SYCP1: variants seen among roughly 807,000 people sequenced by gnomAD.
SYCP1 encodes cancer/testis antigen 8.
In SYCP1, 64 loss-of-function variants were observed where a neutral mutation model predicts 153.1. The observed-to-expected ratio is 0.42, with a 90% CI of 0.34 to 0.51. The LOEUF (loss-of-function observed/expected upper bound fraction) is 0.51, where lower values mean the gene tolerates loss of function less well. Among genes scored for constraint, SYCP1 ranks in the 20% least tolerant of loss-of-function variants. SYCP1 has a pLI of 0.06. For missense variants in SYCP1, 997 were observed against 1,049.0 expected, an observed-to-expected ratio of 0.95 and a Z score of 0.68; for synonymous variants, 384 against 341.8, an observed-to-expected ratio of 1.12 and a Z score of -1.36.
At chr1:114,964,223 T>A (rs1671960463) in intron 27 of SYCP1, among the ~76,000 whole-genome samples, 1 of 152,158 alleles carries the variant, frequency 6.6e-6, no homozygotes, top group South Asian at 2.1e-4. Flanking sequence ...TGGGGTTGTT[T>A]GTTATTTTCT....
At chr1:114,881,695 T>G (rs2101517278) in intron 12 of SYCP1, among the ~76,000 whole-genome samples, 1 of 152,164 alleles carries the variant, frequency 6.6e-6, no homozygotes, top group Admixed American at 6.5e-5. Flanking sequence ...AGAGACAGGG[T>G]TTCACTGTGT....
chr1:114,886,372 T>G, intron 14 of SYCP1, 63 bp downstream of exon 14: 1 of 1,349,676 alleles, frequency 7.4e-7, no homozygotes, highest in Non-Finnish European at 9.7e-7. Context: ...CTTTTAATAT[T>G]CAATGCCATT....
At chr1:114,970,680 C>T (rs961670616) in intron 27 of SYCP1, among the ~76,000 whole-genome samples, 1 of 152,092 alleles carries the variant, frequency 6.6e-6, no homozygotes, top group African/African-American at 2.4e-5. Flanking sequence ...TGTTATTGCT[C>T]TTCTGGGTCT....
At chr1:114,881,466 T>C (rs760310696) in intron 12 of SYCP1, among the ~76,000 whole-genome samples, 17 of 151,260 alleles carry the variant, frequency 1.1e-4, no homozygotes, top group Admixed American at 2.0e-4. Flanking sequence ...CTGTACATTA[T>C]TTCTAGACAT....
At chr1:114,981,135 AC>A (rs2101947891) in intron 28 of SYCP1, among the ~76,000 whole-genome samples, 200 bp from the exon 29 acceptor site, 1 of 152,154 alleles carries the variant, frequency 6.6e-6, no homozygotes, top group African/African-American at 2.4e-5. Flanking sequence ...GGGGCAGATA[AC>A]ATTTGCATCT....
At chr1:114,938,934 T>C (rs915099781) in intron 23 of SYCP1, among the ~76,000 whole-genome samples, 19 of 152,186 alleles carry the variant, frequency 1.2e-4, no homozygotes, top group Admixed American at 3.3e-4. Context: ...TGTGGAGAAA[T>C]TGGAATTCTC....
At chr1:114,940,785 A>G (rs961992031) in intron 23 of SYCP1, among the ~76,000 whole-genome samples, 6 of 151,852 alleles carry the variant, frequency 4.0e-5, no homozygotes, top group African/African-American at 1.5e-4. Context: ...ATTACCAGTT[A>G]TATTCTTTAT....
chr1:114,883,049 C>A (rs1283838443), intron 12 of SYCP1, among the ~76,000 whole-genome samples: 2 of 152,198 alleles, frequency 1.3e-5, no homozygotes, highest in African/African-American at 2.4e-5. Flanking sequence ...GCCCTCTGGG[C>A]ACAAGCAAGT....
intron 16 of SYCP1, among the ~76,000 whole-genome samples, chr1:114,902,998 G>A (rs1368057725): frequency 6.6e-6 from 1 of 152,022 alleles, no homozygotes; most frequent in African/African-American, 2.4e-5. Flanking sequence ...TAGACAGTAT[G>A]GCAAAACCCT....
chr1:114,962,187 G>A (rs1419373262), intron 27 of SYCP1, among the ~76,000 whole-genome samples: 1 of 151,966 alleles, frequency 6.6e-6, no homozygotes, highest in Non-Finnish European at 1.5e-5. Flanking sequence ...GTTTCGCTGT[G>A]TTGGCCAGGC....
chr1:114,933,689 C>T (rs1669790225), intron 23 of SYCP1, among the ~76,000 whole-genome samples: 2 of 152,096 alleles, frequency 1.3e-5, no homozygotes. Context: ...CTAGAATAAA[C>T]AGCATAGAGA....
chr1:114,868,019 T>A (rs2101379885), intron 8 of SYCP1, among the ~76,000 whole-genome samples: 1 of 152,292 alleles, frequency 6.6e-6, no homozygotes, highest in African/African-American at 2.4e-5. Flanking sequence ...TATGATCTTG[T>A]AATTTTTTAG....
At chr1:114,925,144 C>T (rs1049369051) in intron 21 of SYCP1, among the ~76,000 whole-genome samples, 5 of 151,998 alleles carry the variant, frequency 3.3e-5, no homozygotes, top group African/African-American at 7.2e-5. Flanking sequence ...ATTTTCCTCC[C>T]TGAAAAGCTA....
chr1:114,936,639 T>C (rs1034827405), intron 23 of SYCP1, among the ~76,000 whole-genome samples: 5 of 152,222 alleles, frequency 3.3e-5, no homozygotes, highest in Non-Finnish European at 7.3e-5. Flanking sequence ...GACATGATTG[T>C]ATATTTAGAA....
intron 25 of SYCP1, among the ~76,000 whole-genome samples, 158 bp from the exon 26 acceptor site, chr1:114,946,131 C>T (rs1199129899): frequency 6.6e-6 from 1 of 151,686 alleles, no homozygotes; most frequent in Non-Finnish European, 1.5e-5. Context: ...AAAATATATA[C>T]CCATATATAT....
intron 8 of SYCP1, among the ~76,000 whole-genome samples, chr1:114,863,576 C>T (rs901406187): frequency 2.6e-5 from 4 of 151,966 alleles, no homozygotes; most frequent in Non-Finnish European, 4.4e-5. Context: ...CCTATTTCTC[C>T]ACAGCCTCAC....
intron 27 of SYCP1, among the ~76,000 whole-genome samples, chr1:114,959,124 A>G (rs1043357332): frequency 2.6e-5 from 4 of 152,066 alleles, no homozygotes; most frequent in African/African-American, 7.2e-5. Flanking sequence ...GTTCTCTTCT[A>G]TTCCTAATTA....
At position 114,885,645 on chromosome 1, in the gene SYCP1, T is replaced by C. The variant is rs1557771040; in HGVS notation, c.1005+16T>C. On this transcript the variant is annotated intron_variant, in intron 13 of 31. Coordinates refer to ENST00000369522, the MANE Select transcript of SYCP1 (RefSeq NM_003176.4). ...AAGAAGTGTGGTATGATTTAAAAAC[T>C]CATTAGTGTGTAATAAGTCTCACCC... 2 of 1,430,668 alleles carry C rather than the reference T, an allele frequency of 1.4e-6. No individual in the cohort carries two copies. Among genetic ancestry groups the C allele is most frequent in the Non-Finnish European group, 1.9e-6 (2 of 1,039,006 alleles). The allele number at this position is 1,430,668 out of a possible 1,614,324, so 88.6% of individuals were successfully genotyped here.
intron 16 of SYCP1, among the ~76,000 whole-genome samples, chr1:114,897,487 C>G (rs1253224097): frequency 2.0e-5 from 3 of 152,152 alleles, no homozygotes; most frequent in Non-Finnish European, 2.9e-5. Context: ...AAAACTTTTA[C>G]CCTTTTGCTG....
Sources: allele counts gnomAD v4.1 joint callset (sites outside exome capture counted in the v4.1 genomes callset), GRCh38; gene constraint gnomAD v4.1.1; transcripts MANE v1.5; gene names NCBI Gene and HGNC (gene_info 2026-07-23, HGNC 2026-07-21).